Variants in RFTN1 observed in about 807,000 individuals in gnomAD.
RFTN1 encodes raftlin, lipid raft linker 1, also known as raftlin.
Under a neutral mutation model 46.5 loss-of-function variants are expected in RFTN1, and 26 were observed. The observed-to-expected ratio is 0.56, with a 90% CI of 0.41 to 0.78. The LOEUF is 0.78. RFTN1 is among the 30% of genes least tolerant of loss of function. The probability of loss-of-function intolerance (pLI) is 0.00; values close to 1 mark genes in which losing one functional copy is unlikely to be tolerated. For missense variants in RFTN1, 693 were observed against 718.7 expected (o/e 0.96, Z 0.41); for synonymous variants, 261 against 284.2 (o/e 0.92, Z 0.82).
chr3:16,406,276 T>G (rs1324337228), intron 4 of RFTN1, among the ~76,000 whole-genome samples: 1 of 152,214 alleles, frequency 6.6e-6, no homozygotes, highest in Non-Finnish European at 1.5e-5. Context: ...CCCATTATTT[T>G]GTCCCACTTC....
At chr3:16,416,129 T>A in intron 3 of RFTN1, 3 of 451,320 alleles carry the variant, frequency 6.6e-6, no homozygotes, top group South Asian at 1.6e-5. Flanking sequence ...ACTGGAGATT[T>A]GAGAGGCTGT....
rs143587054 is a variant in RFTN1, at chr3:16,490,060, C to T, written c.145+3665G>A. Among the ~76,000 whole-genome samples, 1,517 of 152,210 alleles carry T rather than the reference C, an allele frequency of 1.0e-2. 65 individuals are homozygous for T. Among genetic ancestry groups the T allele is most frequent in the Admixed American group, 0.071 (1,083 of 15,294 alleles). On this transcript the variant is annotated intron_variant, in intron 2 of 9. Transcript: ENST00000334133. Reference sequence around the variant, plus strand: ...CTCCTGGGAGAAAAACATGAGAGACCGCCAGGGAAAGGAGTCAGCATTTAG... The same window carrying T: ...CTCCTGGGAGAAAAACATGAGAGACTGCCAGGGAAAGGAGTCAGCATTTAG...
chr3:16,363,041 C>G (rs1253562636), intron 6 of RFTN1, among the ~76,000 whole-genome samples: 1 of 152,228 alleles, frequency 6.6e-6, no homozygotes, highest in African/African-American at 2.4e-5. Context: ...GCCTCCCCAC[C>G]TCAGCCTAAT....
Position 16,345,847 on chromosome 3 carries a change from T to C in RFTN1, c.1146+12085A>G, listed in dbSNP as rs1467816122. Among the ~76,000 whole-genome samples the C allele has an allele frequency of 1.5e-5, 1 of 64,842 alleles. No individual in the cohort carries two copies. Among genetic ancestry groups the C allele is most frequent in the East Asian group, 4.2e-4 (1 of 2,368 alleles). 42.5% of individuals were successfully genotyped at this position (64,842 alleles called of 152,430 possible). On this transcript the variant is annotated intron_variant, in intron 7 of 9. Coordinates refer to ENST00000334133, the MANE Select transcript of RFTN1 (RefSeq NM_015150.2). The surrounding 1 kb of genome is among the most constrained non-coding windows in gnomAD (Gnocchi z 5.2). ...GCGCGCGTGCGCGCACGCGCACATG[T>C]GCATGTGTATGTGTATAATCTCCTA...
At position 16,356,463 on chromosome 3, in the gene RFTN1, T is replaced by TGAA. The variant is rs2125329624; in HGVS notation, c.1146+1468_1146+1469insTTC. ...CATTGCTATCACACTTGCAAGCAGT[T>TGAA]ATTTCTCATCCCTGTTCAGACGCAG... On this transcript the variant is annotated intron_variant, in intron 7 of 9. Transcript: ENST00000334133. The surrounding 1 kb of genome is among the most constrained non-coding windows in gnomAD (Gnocchi z 4.9). Among the ~76,000 whole-genome samples, 1 of 151,400 alleles carries TGAA rather than the reference T, an allele frequency of 6.6e-6. No individual in the cohort carries two copies. Among genetic ancestry groups the TGAA allele is most frequent in the East Asian group, 2.0e-4 (1 of 5,110 alleles).
chr3:16,326,323 A>G (rs958676007), intron 8 of RFTN1, among the ~76,000 whole-genome samples: 1 of 152,242 alleles, frequency 6.6e-6, no homozygotes, highest in African/African-American at 2.4e-5. Flanking sequence ...CAAGTCCCTC[A>G]ACCTCCCTGG....
Position 16,387,570 on chromosome 3 carries a change from T to TTCTCTCTCTCTCTCCCTCTCTCTCTC in RFTN1, c.442-9469_442-9468insGAGAGAGAGAGGGAGAGAGAGAGAGA, listed in dbSNP as rs2074224262. ...CACTTCTCTCTTCTATATCCTCAAT[T>TTCTCTCTCTCTCTCCCTCTCTCTCTC]TCTCTCTCTCTCTCTCTCTCTCTCT... On this transcript the variant is annotated intron_variant, in intron 4 of 9. Transcript: ENST00000334133. The surrounding 1 kb of genome is among the most constrained non-coding windows in gnomAD (Gnocchi z 5.2). 8.6e-6 allele frequency among the ~76,000 whole-genome samples: 1 copy of TTCTCTCTCTCTCTCCCTCTCTCTCTC among 116,418 alleles called. No homozygotes were observed. The highest frequency in any genetic ancestry group is 3.9e-5 in the African/African-American group (1 of 25,514). 76.4% of individuals were successfully genotyped at this position (116,418 alleles called of 152,430 possible).
intron 1 of RFTN1, among the ~76,000 whole-genome samples, chr3:16,501,297 G>C (rs1246648938): frequency 6.6e-6 from 1 of 152,156 alleles, no homozygotes; most frequent in Non-Finnish European, 1.5e-5. Context: ...TTTCTGAAAT[G>C]CTTCCCACGA....
At chr3:16,405,702 T>G (rs1271398152) in intron 4 of RFTN1, among the ~76,000 whole-genome samples, 1 of 152,206 alleles carries the variant, frequency 6.6e-6, no homozygotes, top group East Asian at 1.9e-4. Flanking sequence ...TTAAAACATT[T>G]GGTGGAAAAA....
chr3:16,369,225 T>C (rs899968676), intron 6 of RFTN1, among the ~76,000 whole-genome samples: 2 of 152,272 alleles, frequency 1.3e-5, no homozygotes, highest in African/African-American at 2.4e-5. Context: ...ATCCAAACTC[T>C]GTTCGTGACT....
rs74900058 is a variant in RFTN1, at chr3:16,478,152, A to T, written c.145+15573T>A. On this transcript the variant is annotated intron_variant, in intron 2 of 9. Transcript: ENST00000334133. ...CCCTTCCTCTGGAAAATTGTCCCCA[A>T]CCAAACAGGAGCTTCCTGGGGGAGT... Among the ~76,000 whole-genome samples the T allele has an allele frequency of 5.8e-3, 883 of 152,234 alleles. 1 individual carries two copies. Among genetic ancestry groups the T allele is most frequent in the Non-Finnish European group, 8.7e-3 (593 of 67,998 alleles).
Position 16,410,887 on chromosome 3 carries a change from A to G in RFTN1, c.333-1404T>C, listed in dbSNP as rs1250380164. On this transcript the variant is annotated intron_variant, in intron 3 of 9. Transcript: ENST00000334133. The surrounding 1 kb of genome is among the most constrained non-coding windows in gnomAD (Gnocchi z 4.6). ...ACAGGCAGGGCTCCTGTATGACACT[A>G]GAGTGGAAATCACGTGGGTGTCAGA... Among the ~76,000 whole-genome samples the G allele has an allele frequency of 6.6e-6, 1 of 152,228 alleles. No homozygotes were observed. Among genetic ancestry groups the G allele is most frequent in the Admixed American group, 6.5e-5 (1 of 15,284 alleles).
At position 16,353,907 on chromosome 3, in the gene RFTN1, C is replaced by T. The variant is rs974001179; in HGVS notation, c.1146+4025G>A. 7.9e-5 allele frequency among the ~76,000 whole-genome samples: 12 copies of T among 152,122 alleles called. No individual in the cohort carries two copies. The highest frequency in any genetic ancestry group is 4.6e-4 in the Admixed American group (7 of 15,276). On this transcript the variant is annotated intron_variant, in intron 7 of 9. Transcript: ENST00000334133. This position sits in a 1 kb window ranked among gnomAD's most constrained non-coding sequence, Gnocchi z 5.4. ...GAACTGAGAGGAAAGAAATTTCTGT[C>T]GTTTAATCCGTCTAGTCTGGTATTT...
chr3:16,402,069 C>T lies in RFTN1; in HGVS notation c.441+7306G>A, dbSNP rs893523424. ...AATGTTCCCTGAGTGTCCCCCTGAC[C>T]CCTCAAGTCTTCATACAACCATCCC... On this transcript the variant is annotated intron_variant, in intron 4 of 9. Coordinates refer to ENST00000334133, the MANE Select transcript of RFTN1 (RefSeq NM_015150.2). The surrounding 1 kb of genome is among the most constrained non-coding windows in gnomAD (Gnocchi z 4.5). 2.2e-4 allele frequency among the ~76,000 whole-genome samples: 34 copies of T among 152,282 alleles called. No individual in the cohort carries two copies. Among genetic ancestry groups the T allele is most frequent in the African/African-American group, 7.5e-4 (31 of 41,570 alleles).
rs532057318 is a variant in RFTN1 at position 16,345,829 on chromosome 3, T to C, written c.1146+12103A>G. 0.043 allele frequency among the ~76,000 whole-genome samples: 3,009 copies of C among 69,602 alleles called. 65 individuals are homozygous for C. The highest frequency in any genetic ancestry group is 0.12 in the African/African-American group (2,219 of 18,706). 45.7% of individuals were successfully genotyped at this position (69,602 alleles called of 152,430 possible). A position where few individuals can be genotyped will look rare whatever the true frequency, so the allele number is the denominator to read the frequency against. ...GTGTGTGTGTGTGTGCGCGCGCGCG[T>C]GCGCGCACGCGCACATGTGCATGTG... On this transcript the variant is annotated intron_variant, in intron 7 of 9. Coordinates refer to ENST00000334133, the MANE Select transcript of RFTN1 (RefSeq NM_015150.2). This position sits in a 1 kb window ranked among gnomAD's most constrained non-coding sequence, Gnocchi z 5.2.
intron 7 of RFTN1, among the ~76,000 whole-genome samples, chr3:16,357,709 A>G (rs1363730887): frequency 6.6e-6 from 1 of 152,182 alleles, no homozygotes; most frequent in East Asian, 1.9e-4. Flanking sequence ...AGGCACATGC[A>G]ATGTGCTTTT....
rs1185470 is a variant in RFTN1 at position 16,403,615 on chromosome 3, A to T, written c.441+5760T>A. Among the ~76,000 whole-genome samples, 5 of 78,678 alleles carry T rather than the reference A, an allele frequency of 6.4e-5. 2 individuals carry two copies. The highest frequency in any genetic ancestry group is 1.2e-4 in the Non-Finnish European group (5 of 41,408). 51.6% of individuals were successfully genotyped at this position (78,678 alleles called of 152,430 possible). A position where few individuals can be genotyped will look rare whatever the true frequency, so the allele number is the denominator to read the frequency against. On this transcript the variant is annotated intron_variant, in intron 4 of 9. Transcript: ENST00000334133. ...ATATATAATATATAATATATATATA[A>T]TATATATTTTATGTATATAATATAT... is the stretch of plus-strand genomic sequence containing the variant.
In RFTN1 at chr3:16,378,292, T is replaced by C. The variant is rs190469766; in HGVS notation, c.442-190A>G. 5.9e-5 allele frequency among the ~76,000 whole-genome samples: 9 copies of C among 152,352 alleles called. No individual in the cohort carries two copies. The East Asian group carries it at 1.4e-3, about 23-fold the overall frequency. Reference sequence around the variant, plus strand: ...ACACCCTAGTCTGAAGAAGACAGTTTTTTTAATTTGTTTTAACTATATTGT... The same window carrying C: ...ACACCCTAGTCTGAAGAAGACAGTTCTTTTAATTTGTTTTAACTATATTGT... On this transcript the variant is annotated intron_variant, in intron 4 of 9. Transcript: ENST00000334133.
rs933176617 is a variant in RFTN1 at position 16,440,810 on chromosome 3, A to C, written c.146-6773T>G. ...ATTTTTTTCTCAATCCCATATGGCCAAAGTCAAGACCTAGCAGCCTGCAGA... is the reference window on the plus strand; with the variant it reads ...ATTTTTTTCTCAATCCCATATGGCCCAAGTCAAGACCTAGCAGCCTGCAGA... On this transcript the variant is annotated intron_variant, in intron 2 of 9. Transcript: ENST00000334133. The surrounding 1 kb of genome is among the most constrained non-coding windows in gnomAD (Gnocchi z 4.6). Among the ~76,000 whole-genome samples the C allele has an allele frequency of 6.6e-6, 1 of 152,212 alleles. No homozygotes were observed. Among genetic ancestry groups the C allele is most frequent in the African/African-American group, 2.4e-5 (1 of 41,450 alleles).
Sources: allele counts gnomAD v4.1 joint callset (sites outside exome capture counted in the v4.1 genomes callset), GRCh38; gene constraint gnomAD v4.1.1; non-coding constraint Gnocchi (gnomAD v3.1); transcripts MANE v1.5; gene names NCBI Gene and HGNC (gene_info 2026-07-23, HGNC 2026-07-21).